Variants in UXS1 observed in about 807,000 individuals in gnomAD.
The protein encoded by UXS1 is UDP-glucuronate decarboxylase 1.
UXS1 carries 33 observed loss-of-function variants against 62.6 expected under a neutral mutation model. That is an observed-to-expected ratio of 0.53 (90% CI 0.40 to 0.70). UXS1 has a LOEUF of 0.70. Among genes scored for constraint, UXS1 ranks in the 30% least tolerant of loss-of-function variants. UXS1 has a pLI of 0.00. For synonymous variants in UXS1, 213 were observed against 206.8 expected (o/e 1.03, Z -0.26); for missense variants, 434 against 556.3 (o/e 0.78, Z 2.21).
chr2:106,168,926 A>G (rs923482265), intron 1 of UXS1, among the ~76,000 whole-genome samples: 9 of 152,256 alleles, frequency 5.9e-5, no homozygotes, highest in Non-Finnish European at 1.5e-5. Flanking sequence ...TACTGAGTTT[A>G]AATGGTGACA....
At chr2:106,127,970 A>G (rs976420554) in intron 7 of UXS1, among the ~76,000 whole-genome samples, 2 of 152,154 alleles carry the variant, frequency 1.3e-5, no homozygotes, top group African/African-American at 2.4e-5. Flanking sequence ...CCCGTTCAGC[A>G]GCCCCCAACC....
chr2:106,108,335 C>T (rs923205915), intron 10 of UXS1, among the ~76,000 whole-genome samples: 1 of 152,156 alleles, frequency 6.6e-6, no homozygotes, highest in Non-Finnish European at 1.5e-5. Flanking sequence ...AATTATGCCC[C>T]ATCCAAAATA....
intron 1 of UXS1, among the ~76,000 whole-genome samples, chr2:106,174,854 G>A (rs923288481): frequency 4.6e-5 from 7 of 152,166 alleles, no homozygotes; most frequent in Admixed American, 3.3e-4. Flanking sequence ...CACAGCTAGC[G>A]CCCACCCATC....
chr2:106,102,624 T>G (rs985964706), intron 11 of UXS1: 1 of 152,184 alleles, frequency 6.6e-6, no homozygotes, highest in South Asian at 2.1e-4. Context: ...AAAATGCCGA[T>G]GCGGATGGCC....
At chr2:106,146,323 G>A (rs955019939) in intron 5 of UXS1, among the ~76,000 whole-genome samples, 3 of 152,048 alleles carry the variant, frequency 2.0e-5, no homozygotes, top group Non-Finnish European at 4.4e-5. Flanking sequence ...TGTTTCAAAC[G>A]GAAAGTATTA....
intron 7 of UXS1, among the ~76,000 whole-genome samples, chr2:106,129,273 C>G (rs1358086760): frequency 6.6e-6 from 1 of 152,190 alleles, no homozygotes; most frequent in African/African-American, 2.4e-5. Flanking sequence ...TCAACCCAAC[C>G]TGGGGATCAG....
At position 106,114,994 on chromosome 2, in the gene UXS1, C is replaced by T. The variant is rs144278243; in HGVS notation, c.760-2229G>A. 1.5e-4 allele frequency among the ~76,000 whole-genome samples: 23 copies of T among 152,266 alleles called. No individual in the cohort carries two copies. The South Asian group carries it at 4.8e-3, about 32-fold the overall frequency. On this transcript the variant is annotated intron_variant, in intron 9 of 14. Coordinates refer to ENST00000283148, the MANE Select transcript of UXS1 (RefSeq NM_001253875.2). ...CCCTTTCTAGGTAGCATCAGGGAAC[C>T]CTTGGCCTTCACACAAAGGCGACCC...
chr2:106,172,225 G>A (rs925326080), intron 1 of UXS1, among the ~76,000 whole-genome samples: 2 of 152,204 alleles, frequency 1.3e-5, no homozygotes, highest in Non-Finnish European at 2.9e-5. Flanking sequence ...CAAGCAGTGG[G>A]GGGCGGGGTG....
At chr2:106,184,554 C>T (rs1684443296) in intron 1 of UXS1, among the ~76,000 whole-genome samples, 1 of 152,226 alleles carries the variant, frequency 6.6e-6, no homozygotes, top group Non-Finnish European at 1.5e-5. Context: ...GATCAAGACA[C>T]TGGCGGTGAG....
chr2:106,163,610 A>T, intron 4 of UXS1, 57 bp downstream of exon 4: 1 of 1,235,188 alleles, frequency 8.1e-7, no homozygotes. Flanking sequence ...AGAATTAATT[A>T]CTCAATTGAG....
chr2:106,141,714 A>C (rs1244033134), intron 6 of UXS1, among the ~76,000 whole-genome samples: 1 of 151,474 alleles, frequency 6.6e-6, no homozygotes, highest in Non-Finnish European at 1.5e-5. Context: ...CTCCCAAAGT[A>C]CTGGGATTAC....
At chr2:106,158,462 A>G (rs1375942182) in intron 4 of UXS1, among the ~76,000 whole-genome samples, 1 of 152,238 alleles carries the variant, frequency 6.6e-6, no homozygotes. Flanking sequence ...ATGGCCGTGA[A>G]ACTGCCTTTG....
chr2:106,169,196 G>A (rs1273130159), intron 1 of UXS1, among the ~76,000 whole-genome samples: 3 of 152,118 alleles, frequency 2.0e-5, no homozygotes, highest in Admixed American at 2.0e-4. Flanking sequence ...TTTCTTTACT[G>A]TGCTATATAT....
intron 7 of UXS1, among the ~76,000 whole-genome samples, chr2:106,127,442 C>G (rs1374649738): frequency 2.0e-5 from 3 of 152,166 alleles, no homozygotes; most frequent in Non-Finnish European, 4.4e-5. Context: ...ATTTCAAAAA[C>G]AACTGAGTTT....
rs868416803 is a variant in UXS1, at chr2:106,158,065, C to A, written c.284G>T (p.Arg95Ile). The change falls in exon 5 of 15, where the codon AGA becomes ATA. Residue 95 changes from arginine (R) to isoleucine (I), a missense_variant. Physicochemically the swap from Arg to Ile is moderately conservative, Grantham distance 97 (BLOSUM62 -3). Around this residue, in one of 3 missense-constraint regions of UXS1, gnomAD observed 134 missense variants for 251.9 expected, o/e 0.53. Transcript: ENST00000283148. ...VKFLSEKDRK[R>I]ILITGGAGFV... ...TCAGGTGTGCAAACTTACCAAAATTCTTTTCCGATCCTTTTCTGATAAAAA... is the reference window on the plus strand; with the variant it reads ...TCAGGTGTGCAAACTTACCAAAATTATTTTCCGATCCTTTTCTGATAAAAA... The A allele has an allele frequency of 6.4e-7, 1 of 1,564,636 alleles. No homozygotes were observed. The highest frequency in any genetic ancestry group is 1.2e-5 in the South Asian group (1 of 84,874).
chr2:106,177,475 C>T (rs767150138), intron 1 of UXS1, among the ~76,000 whole-genome samples: 1 of 152,134 alleles, frequency 6.6e-6, no homozygotes, highest in Non-Finnish European at 1.5e-5. Flanking sequence ...GGATTATAGG[C>T]GTGAGCCACC....
chr2:106,177,718 G>A (rs916282267), intron 1 of UXS1, among the ~76,000 whole-genome samples: 1 of 152,194 alleles, frequency 6.6e-6, no homozygotes, highest in African/African-American at 2.4e-5. Flanking sequence ...ACCAGATACT[G>A]AATCTGCTGG....
intron 8 of UXS1, among the ~76,000 whole-genome samples, chr2:106,123,691 T>C (rs915765669): frequency 6.6e-6 from 1 of 152,216 alleles, no homozygotes; most frequent in African/African-American, 2.4e-5. Context: ...AATCACACTT[T>C]AAGACATACC....
intron 6 of UXS1, chr2:106,138,168 A>C: frequency 1.0e-6 from 1 of 984,898 alleles, no homozygotes; most frequent in Non-Finnish European, 1.2e-6. Flanking sequence ...ACTATCATTA[A>C]CCTCACACTC....
Sources: gnomAD v4.1 joint callset for allele counts (sites outside exome capture counted in the v4.1 genomes callset) on GRCh38, gnomAD v4.1.1 for gene constraint, gnomAD v4.1.1 regional missense constraint, MANE v1.5 for transcripts, NCBI Gene and HGNC (gene_info 2026-07-23, HGNC 2026-07-21) for gene names.